The following DOCK2 variants were observed in gnomAD, a reference collection of about 807,000 sequenced individuals.
The protein encoded by DOCK2 is dedicator of cytokinesis protein 2.
In DOCK2, 87 loss-of-function variants were observed where a neutral mutation model predicts 248.9. That is an observed-to-expected ratio of 0.35 (90% CI 0.29 to 0.42). The LOEUF is 0.42. DOCK2 is among the 10% of genes least tolerant of loss of function. The pLI, the probability that DOCK2 is intolerant of heterozygous loss-of-function variation, is 1.00. For synonymous variants in DOCK2, 805 were observed against 821.6 expected (o/e 0.98, Z 0.35); for missense variants, 1,747 against 2,300.2 (o/e 0.76, Z 4.92).
At chr5:169,684,746 C>G (rs185454267) in intron 8 of DOCK2, among the ~76,000 whole-genome samples, 4 of 152,324 alleles carry the variant, frequency 2.6e-5, no homozygotes, top group Non-Finnish European at 5.9e-5. Context: ...AACTCCTAGG[C>G]TCAAGTGGTT....
intron 32 of DOCK2, 51 bp downstream of exon 32, chr5:170,008,797 T>G (rs754040219): frequency 3.1e-6 from 5 of 1,607,640 alleles, no homozygotes; most frequent in Non-Finnish European, 4.3e-6. Flanking sequence ...ACCAAACTCC[T>G]TCTTAAAGAC....
intron 26 of DOCK2, among the ~76,000 whole-genome samples, chr5:169,821,111 G>A (rs1259242434): frequency 6.6e-6 from 1 of 152,142 alleles, no homozygotes; most frequent in Non-Finnish European, 1.5e-5. Context: ...AAGAAATATG[G>A]GACTATGTGA....
At chr5:170,002,223 C>T (rs772290921) in intron 30 of DOCK2, among the ~76,000 whole-genome samples, 45 of 134,502 alleles carry the variant, frequency 3.3e-4, no homozygotes, top group Non-Finnish European at 6.0e-4. Flanking sequence ...TTGATTACAG[C>T]ACTGTTGCTA....
rs142830212 is a variant in DOCK2, at chr5:170,076,076, C to A, written c.4858C>A (p.Arg1620=). The A allele has an allele frequency of 1.5e-5, 24 of 1,606,218 alleles. No homozygotes were observed. The highest frequency in any genetic ancestry group is 1.9e-5 in the Non-Finnish European group (22 of 1,175,466). Residue 1620 remains arginine, a synonymous_variant, in exon 47 of 52, where the codon CGA becomes AGA. Transcript: ENST00000520908. ...KMKVEKEYGV[R]EMPDFDDRRV... ...GAAGGTGGAGAAGGAGTACGGTGTC[C>A]GAGAGATGGTATGGGTGGTTCCTAT...
chr5:170,030,840 G>A (rs10050681), intron 34 of DOCK2, among the ~76,000 whole-genome samples: 8,573 of 152,226 alleles, frequency 0.056, 787 homozygotes, highest in African/African-American at 0.19. Flanking sequence ...TGATACACAG[G>A]GCCCCCACTG....
In DOCK2 at chr5:169,972,779, A is replaced by T. The variant is rs61238764; in HGVS notation, c.2800-10289A>T. ...GGGAGTGAGGACTGAGGAATTGTCTAGGAAGCGGGAAAAATGTTCTCCAAT... is the reference window on the plus strand; with the variant it reads ...GGGAGTGAGGACTGAGGAATTGTCTTGGAAGCGGGAAAAATGTTCTCCAAT... On this transcript the variant is annotated intron_variant, in intron 27 of 51. Transcript: ENST00000520908. 2.1e-3 allele frequency among the ~76,000 whole-genome samples: 322 copies of T among 152,338 alleles called. 2 individuals are homozygous for T. The highest frequency in any genetic ancestry group is 7.3e-3 in the African/African-American group (303 of 41,580).
At chr5:169,976,219 C>T (rs190815567) in intron 27 of DOCK2, among the ~76,000 whole-genome samples, 13 of 152,292 alleles carry the variant, frequency 8.5e-5, no homozygotes, top group African/African-American at 2.9e-4. Context: ...AAATCTCTGC[C>T]CATGAGAGTG....
intron 22 of DOCK2, among the ~76,000 whole-genome samples, chr5:169,726,357 G>A (rs1301315983): frequency 6.6e-6 from 1 of 152,028 alleles, no homozygotes; most frequent in African/African-American, 2.4e-5. Flanking sequence ...GGGGTTGTTT[G>A]ATTTTTTCTT....
chr5:169,681,997 C>T (rs1399027070), intron 7 of DOCK2, 118 bp downstream of exon 7: 1 of 1,376,256 alleles, frequency 7.3e-7, no homozygotes. Context: ...TGTCTATGAC[C>T]TGAGATGATC....
intron 15 of DOCK2, among the ~76,000 whole-genome samples, chr5:169,711,658 T>C (rs1761591393): frequency 1.3e-5 from 2 of 152,192 alleles, no homozygotes; most frequent in African/African-American, 4.8e-5. Context: ...TTATATCAAT[T>C]TGGGGAGACT....
chr5:169,746,509 CTT>C (rs984801056), intron 22 of DOCK2, among the ~76,000 whole-genome samples: 2 of 152,104 alleles, frequency 1.3e-5, no homozygotes, highest in Non-Finnish European at 2.9e-5. Context: ...GAGAGACTCT[CTT>C]TATCTGAATT....
At chr5:169,750,133 G>A (rs1220158232) in intron 23 of DOCK2, among the ~76,000 whole-genome samples, 1 of 152,218 alleles carries the variant, frequency 6.6e-6, no homozygotes. Flanking sequence ...CATCCCAGAG[G>A]AGAAAGGCGC....
At chr5:169,818,650 T>C (rs1285179367) in intron 26 of DOCK2, among the ~76,000 whole-genome samples, 1 of 152,148 alleles carries the variant, frequency 6.6e-6, no homozygotes. Context: ...CCTTCTCTGG[T>C]GGTGACAGAG....
chr5:169,795,895 C>T (rs186319196), intron 25 of DOCK2, among the ~76,000 whole-genome samples: 1 of 152,354 alleles, frequency 6.6e-6, no homozygotes, highest in East Asian at 1.9e-4. Context: ...GCCCCTTCCC[C>T]ATTGCCAGTC....
chr5:170,056,265 G>A (rs1052086224), intron 42 of DOCK2, among the ~76,000 whole-genome samples: 4 of 152,204 alleles, frequency 2.6e-5, no homozygotes, highest in African/African-American at 9.7e-5. Flanking sequence ...CCTGAAGTTA[G>A]AATCTCACCA....
At chr5:170,019,169 A>G (rs1755638034) in intron 33 of DOCK2, 61 bp downstream of exon 33, 1 of 1,608,962 alleles carries the variant, frequency 6.2e-7, no homozygotes, top group East Asian at 2.2e-5. Flanking sequence ...TTTCCCCATA[A>G]TGATATCCTC....
intron 29 of DOCK2, among the ~76,000 whole-genome samples, chr5:169,990,883 A>G (rs1395000599): frequency 6.6e-6 from 1 of 152,080 alleles, no homozygotes; most frequent in Non-Finnish European, 1.5e-5. Context: ...GTCACATGGG[A>G]GTATTATCAG....
At chr5:169,714,498 A>G (rs757119135) in intron 19 of DOCK2, 41 bp downstream of exon 19, 20 of 1,605,520 alleles carry the variant, frequency 1.2e-5, no homozygotes, top group South Asian at 1.2e-4. Context: ...TACACTAGTG[A>G]CAGAACTCTC....
chr5:169,854,463 T>A (rs1581291282), intron 27 of DOCK2, among the ~76,000 whole-genome samples: 2 of 152,220 alleles, frequency 1.3e-5, no homozygotes, highest in South Asian at 4.1e-4. Context: ...GGATTACAGG[T>A]GTGAGCCACC....
Sources: allele counts gnomAD v4.1 joint callset (sites outside exome capture counted in the v4.1 genomes callset), GRCh38; gene constraint gnomAD v4.1.1; transcripts MANE v1.5; gene names NCBI Gene and HGNC (gene_info 2026-07-23, HGNC 2026-07-21).